NCOA2: variants seen among roughly 807,000 people sequenced by gnomAD.
NCOA2 encodes class E basic helix-loop-helix protein 75.
Under a neutral mutation model 145.1 loss-of-function variants are expected in NCOA2, and 21 were observed. That is an observed-to-expected ratio of 0.14 (90% CI 0.10 to 0.21). The LOEUF (loss-of-function observed/expected upper bound fraction) is 0.21. Ranked by LOEUF, NCOA2 falls within the 10% of genes least tolerant of loss-of-function variation. The pLI is 1.00. For missense variants in NCOA2, 1,472 were observed against 1,837.6 expected, an observed-to-expected ratio of 0.80 and a Z score of 3.64; for synonymous variants, 619 against 637.5, an observed-to-expected ratio of 0.97 and a Z score of 0.44.
chr8:70,426,150 A>G, the NCOA2 span, among the ~76,000 whole-genome samples: 157 of 152,342 alleles, frequency 1.0e-3, 1 homozygote, highest in Non-Finnish European at 1.5e-3. Context: ...AATACCTTCT[A>G]CTGGGAAGTA....
At chr8:70,290,252 T>C (rs1184945006) in intron 2 of NCOA2, among the ~76,000 whole-genome samples, 2 of 150,532 alleles carry the variant, frequency 1.3e-5, no homozygotes, top group East Asian at 2.0e-4. Flanking sequence ...AGTGGCGCGA[T>C]TTCTCGGCTC....
chr8:70,372,099 C>A (rs1811278969), intron 1 of NCOA2, among the ~76,000 whole-genome samples: 2 of 152,016 alleles, frequency 1.3e-5, no homozygotes, highest in South Asian at 4.1e-4. Flanking sequence ...GAGCTGGATA[C>A]CGAGTTAATG....
intron 1 of NCOA2, among the ~76,000 whole-genome samples, chr8:70,321,157 T>C (rs1806019705): frequency 6.6e-6 from 1 of 152,196 alleles, no homozygotes; most frequent in Admixed American, 6.5e-5. Context: ...TTGTTTTGCA[T>C]TTTGAGATCT....
chr8:70,185,854 T>C (rs1055616363), intron 4 of NCOA2, among the ~76,000 whole-genome samples: 1 of 152,212 alleles, frequency 6.6e-6, no homozygotes, highest in African/African-American at 2.4e-5. Context: ...AAGTATTTTT[T>C]TGGCAATTTG....
chr8:70,289,032 T>C (rs1042080273), intron 2 of NCOA2, among the ~76,000 whole-genome samples: 1 of 152,232 alleles, frequency 6.6e-6, no homozygotes, highest in Non-Finnish European at 1.5e-5. Context: ...ATTTGTCCAA[T>C]AGATGTTTAA....
At chr8:70,121,002 T>A (rs576503212) in intron 22 of NCOA2, among the ~76,000 whole-genome samples, 1 of 152,316 alleles carries the variant, frequency 6.6e-6, no homozygotes, top group Admixed American at 6.5e-5. Context: ...TTTGCTATCA[T>A]AGTATCATTC....
Position 70,267,174 on chromosome 8 carries a change from G to A in NCOA2, c.-20+29570C>T, listed in dbSNP as rs144078092. ...CACCTCTGGCCATATTACTTTCTCT[G>A]TACATTAATCTCCATAAAATGAGAA... On this transcript the variant is annotated intron_variant, in intron 2 of 22. Transcript: ENST00000452400. 3.4e-3 allele frequency among the ~76,000 whole-genome samples: 516 copies of A among 152,158 alleles called. 2 individuals are homozygous for A. Among genetic ancestry groups the A allele is most frequent in the African/African-American group, 0.012 (493 of 41,518 alleles).
intron 6 of NCOA2, among the ~76,000 whole-genome samples, chr8:70,168,345 CAG>C (rs1220470021): frequency 6.6e-6 from 1 of 152,140 alleles, no homozygotes; most frequent in African/African-American, 2.4e-5. Flanking sequence ...TTTTTTGAGA[CAG>C]AGTCTCTGTC....
At chr8:70,265,149 A>G (rs1349906815) in intron 2 of NCOA2, among the ~76,000 whole-genome samples, 1 of 152,184 alleles carries the variant, frequency 6.6e-6, no homozygotes, top group Non-Finnish European at 1.5e-5. Flanking sequence ...TGAGGTCTTT[A>G]GGGAGTAATT....
intron 1 of NCOA2, among the ~76,000 whole-genome samples, chr8:70,377,379 T>G (rs1364250576): frequency 6.6e-6 from 1 of 151,992 alleles, no homozygotes; most frequent in Non-Finnish European, 1.5e-5. Flanking sequence ...AGAAAAGGAA[T>G]AGTACCTTAT....
rs1307039057 is a variant in NCOA2 at position 70,162,782 on chromosome 8, C to T, written c.905G>A (p.Arg302Lys). 1 of 1,613,888 alleles carries T rather than the reference C, an allele frequency of 6.2e-7. No individual in the cohort carries two copies. Among genetic ancestry groups the T allele is most frequent in the Non-Finnish European group, 8.5e-7 (1 of 1,179,892 alleles). Residue 302 changes from arginine to lysine, a missense_variant, in exon 9 of 23, where the codon AGG becomes AAG. Arg to Lys is a conservative substitution (Grantham distance 26, BLOSUM62 2). Coordinates refer to ENST00000452400, the MANE Select transcript of NCOA2 (RefSeq NM_006540.4). Reference protein sequence around the residue: ...MKPGWEDLVRRCIQKFHAQHE... With the variant: ...MKPGWEDLVRKCIQKFHAQHE... Reference sequence around the variant, plus strand: ...CTGCGCATGGAACTTCTGAATACACCTTCTTACCAGGTCCTCCCAGCCTGG... The same window carrying T: ...CTGCGCATGGAACTTCTGAATACACTTTCTTACCAGGTCCTCCCAGCCTGG...
intron 4 of NCOA2, among the ~76,000 whole-genome samples, chr8:70,194,673 CTTCTT>C (rs1207192083): frequency 8.5e-6 from 1 of 117,248 alleles, no homozygotes; most frequent in Admixed American, 1.1e-4. Context: ...GCTCTTTTAT[CTTCTT>C]TTTTTTTTTT....
chr8:70,396,766 G>A lies in NCOA2; in HGVS notation c.-77+6934C>T, dbSNP rs546013116. The stretch of plus-strand genomic sequence containing the variant: ...AGATGCCTCCTGATACAATTTGCAG[G>A]ACTGGAACTATTCAAATCTATTCAT... On this transcript the variant is annotated intron_variant, in intron 1 of 22. Coordinates refer to ENST00000452400, the MANE Select transcript of NCOA2 (RefSeq NM_006540.4). Among the ~76,000 whole-genome samples the A allele has an allele frequency of 7.2e-5, 11 of 152,314 alleles. No homozygotes were observed. In the South Asian group the frequency reaches 2.3e-3, roughly 32 times the overall value.
intron 1 of NCOA2, among the ~76,000 whole-genome samples, chr8:70,341,425 A>G (rs1318588834): frequency 6.6e-6 from 1 of 152,172 alleles, no homozygotes; most frequent in East Asian, 1.9e-4. Flanking sequence ...CAGTAGTTAA[A>G]ATTCTATGAA....
At chr8:70,418,800 A>G in the NCOA2 span, among the ~76,000 whole-genome samples, 1 of 152,220 alleles carries the variant, frequency 6.6e-6, no homozygotes, top group African/African-American at 2.4e-5. Context: ...ATAACACTGA[A>G]ATAGTAGTTA....
chr8:70,195,847 C>A (rs1041389143), intron 4 of NCOA2, among the ~76,000 whole-genome samples: 1 of 152,200 alleles, frequency 6.6e-6, no homozygotes, highest in Admixed American at 6.5e-5. Flanking sequence ...TCATTCCCAC[C>A]CCAAACACCG....
At chr8:70,273,606 C>A in intron 2 of NCOA2, 1 of 741,688 alleles carries the variant, frequency 1.3e-6, no homozygotes, top group Non-Finnish European at 2.4e-6. Context: ...ACATCTCTGG[C>A]AGTGAACACT....
chr8:70,183,075 A>C (rs1815667975), intron 4 of NCOA2, among the ~76,000 whole-genome samples: 1 of 152,244 alleles, frequency 6.6e-6, no homozygotes, highest in Admixed American at 6.5e-5. Flanking sequence ...AATAAAATAT[A>C]AAAACTGCTA....
chr8:70,427,436 C>T, the NCOA2 span, among the ~76,000 whole-genome samples: 1 of 152,156 alleles, frequency 6.6e-6, no homozygotes, highest in Admixed American at 6.5e-5. Flanking sequence ...AGTGTAACAC[C>T]TTTTCATTTA....
Sources: gnomAD v4.1 joint callset for allele counts (sites outside exome capture counted in the v4.1 genomes callset) on GRCh38, gnomAD v4.1.1 for gene constraint, MANE v1.5 for transcripts, NCBI Gene and HGNC (gene_info 2026-07-23, HGNC 2026-07-21) for gene names.